The following DMXL2 variants were observed in gnomAD, a reference collection of about 807,000 sequenced individuals.
DMXL2 encodes the protein dmX-like protein 2.
Under a neutral mutation model 331.1 loss-of-function variants are expected in DMXL2, and 103 were observed. The observed-to-expected ratio is 0.31, with a 90% confidence interval of 0.27 to 0.37. The LOEUF (loss-of-function observed/expected upper bound fraction) is 0.37. DMXL2 is among the 10% of genes least tolerant of loss of function. The probability of loss-of-function intolerance (pLI) is 1.00; values close to 1 mark genes in which losing one functional copy is unlikely to be tolerated. For missense variants in DMXL2, 3,171 were observed against 3,642.9 expected (o/e 0.87, Z 3.33); for synonymous variants, 1,281 against 1,252.1 (o/e 1.02, Z -0.49).
intron 8 of DMXL2, 36 bp from the exon 9 acceptor site, chr15:51,542,543 G>A (rs747463231): frequency 3.3e-6 from 5 of 1,530,946 alleles, no homozygotes; most frequent in Admixed American, 1.8e-5. Flanking sequence ...TCCAACTCTG[G>A]AACCTCTAAT....
Position 51,456,084 on chromosome 15 carries a change from A to G in DMXL2, c.8508T>C (p.Phe2836=). The G allele has an allele frequency of 6.2e-7, 1 of 1,614,168 alleles. No homozygotes were observed. The highest frequency in any genetic ancestry group is 8.5e-7 in the Non-Finnish European group (1 of 1,180,016). ...AGNARVTRLY[F]NSQGNKCGVA... is the part of the protein sequence containing the mutation. ...AACTAACCTTGTTGCCTTGTGAATT[A>G]AAATATAATCTAGTAACTCTTGCAT... The change falls in exon 39 of 44, where the codon TTT becomes TTC. Residue 2836 remains phenylalanine, a synonymous_variant. Coordinates refer to ENST00000560891, the MANE Select transcript of DMXL2 (RefSeq NM_001378457.1).
At chr15:51,525,720 G>GA (rs2047633746) in intron 13 of DMXL2, among the ~76,000 whole-genome samples, 1 of 152,102 alleles carries the variant, frequency 6.6e-6, no homozygotes, top group African/African-American at 2.4e-5. Flanking sequence ...CCTTTGGAAA[G>GA]GAGAGAGAAG....
At chr15:51,615,714 T>C (rs1052537702) in intron 1 of DMXL2, among the ~76,000 whole-genome samples, 1 of 152,186 alleles carries the variant, frequency 6.6e-6, no homozygotes, top group Non-Finnish European at 1.5e-5. Context: ...ATGATGATAA[T>C]ATGATTACCT....
chr15:51,494,395 C>T (rs1361330884), intron 19 of DMXL2, among the ~76,000 whole-genome samples: 1 of 152,094 alleles, frequency 6.6e-6, no homozygotes, highest in African/African-American at 2.4e-5. Flanking sequence ...GAAATATAGT[C>T]CACTGAAATA....
chr15:51,537,138 G>T (rs532842854), intron 11 of DMXL2, among the ~76,000 whole-genome samples: 1 of 152,250 alleles, frequency 6.6e-6, no homozygotes, highest in Non-Finnish European at 1.5e-5. Flanking sequence ...GATGACAAAG[G>T]CAGCTTCGTT....
chr15:51,495,155 A>G, intron 18 of DMXL2, 21 bp from the exon 19 acceptor site: 1 of 1,517,392 alleles, frequency 6.6e-7, no homozygotes, highest in East Asian at 2.3e-5. Context: ...AACAGGAAAT[A>G]TGTTTAAGGA....
At chr15:51,483,699 C>T (rs772533205) in intron 23 of DMXL2, among the ~76,000 whole-genome samples, 14 of 152,136 alleles carry the variant, frequency 9.2e-5, no homozygotes, top group African/African-American at 3.4e-4. Flanking sequence ...AAAGGCCCTG[C>T]GCCTGCAATC....
chr15:51,535,013 A>G (rs1277894850), intron 13 of DMXL2, among the ~76,000 whole-genome samples: 1 of 152,200 alleles, frequency 6.6e-6, no homozygotes, highest in Admixed American at 6.5e-5. Context: ...AGCTAAATTA[A>G]AAGCTCCTTA....
rs113927701 is a variant in DMXL2 at position 51,538,531 on chromosome 15, A to G, written c.1106-79T>C. The G allele has an allele frequency of 9.2e-4, 1,078 of 1,170,374 alleles. 14 individuals are homozygous for G. The African/African-American group carries it at 0.015, about 16-fold the overall frequency. 72.5% of individuals were successfully genotyped at this position (1,170,374 alleles called of 1,614,324 possible). On this transcript the variant is annotated intron_variant, in intron 9 of 43. Coordinates refer to ENST00000560891, the MANE Select transcript of DMXL2 (RefSeq NM_001378457.1). ...GACAAGTGCTTACAATGACTAATCT[A>G]TATAAAGAAAAGGTGCTAAACAAGT...
chr15:51,595,422 G>C (rs1277610812), intron 1 of DMXL2, among the ~76,000 whole-genome samples: 3 of 152,116 alleles, frequency 2.0e-5, no homozygotes, highest in Non-Finnish European at 2.9e-5. Context: ...AAATAAAAGA[G>C]GATACAAATA....
chr15:51,554,409 T>C (rs982972649), intron 6 of DMXL2, among the ~76,000 whole-genome samples: 2 of 152,200 alleles, frequency 1.3e-5, no homozygotes, highest in African/African-American at 4.8e-5. Context: ...ACTGCCTGTT[T>C]TAGAGATCAA....
At chr15:51,621,801 CG>C (rs905670617) in intron 1 of DMXL2, among the ~76,000 whole-genome samples, 1 of 151,708 alleles carries the variant, frequency 6.6e-6, no homozygotes, top group African/African-American at 2.4e-5. Flanking sequence ...TACCAAACTA[CG>C]ACCTCCTGAT....
intron 26 of DMXL2, 116 bp downstream of exon 26, chr15:51,478,154 AT>A (rs2041733174): frequency 1.4e-6 from 1 of 690,824 alleles, no homozygotes; most frequent in Non-Finnish European, 2.4e-6. Flanking sequence ...GTATTAAAAT[AT>A]CATGGCTGTC....
chr15:51,557,898 A>C lies in DMXL2; in HGVS notation c.567+5483T>G, dbSNP rs190855262. Among the ~76,000 whole-genome samples, 560 of 152,380 alleles carry C rather than the reference A, an allele frequency of 3.7e-3. 6 individuals are homozygous for C. Among genetic ancestry groups the C allele is most frequent in the African/African-American group, 0.013 (536 of 41,596 alleles). On this transcript the variant is annotated intron_variant, in intron 6 of 43. Coordinates refer to ENST00000560891, the MANE Select transcript of DMXL2 (RefSeq NM_001378457.1). The stretch of plus-strand genomic sequence containing the variant: ...CATAGATTTTAGACCTGAATGTGAA[A>C]GATAAAACATAAAATGTCCATATTC...
intron 1 of DMXL2, among the ~76,000 whole-genome samples, chr15:51,613,518 T>C (rs1902595): frequency 0.81 from 123,994 of 152,198 alleles, 50,874 homozygotes; most frequent in East Asian, 0.99. Flanking sequence ...AATGTCTAGG[T>C]GCCAAAATAT....
rs142278543 is a variant in DMXL2, at chr15:51,541,523, T to C, written c.1105+810A>G. On this transcript the variant is annotated intron_variant, in intron 9 of 43. Transcript: ENST00000560891. ...TAATACGGGGCCAGTGGCTACTCTA[T>C]AAAACAGCACATATCTAGAGTTACC... Among the ~76,000 whole-genome samples, 852 of 152,244 alleles carry C rather than the reference T, an allele frequency of 5.6e-3. 6 individuals carry two copies. The highest frequency in any genetic ancestry group is 0.02 in the Middle Eastern group (6 of 294).
At chr15:51,510,994 A>C (rs1489213996) in intron 15 of DMXL2, among the ~76,000 whole-genome samples, 2 of 152,222 alleles carry the variant, frequency 1.3e-5, no homozygotes, top group Non-Finnish European at 2.9e-5. Context: ...TGCCACATGC[A>C]GAAAACTGAA....
chr15:51,452,681 C>T (rs899055923), intron 41 of DMXL2, among the ~76,000 whole-genome samples: 2 of 152,232 alleles, frequency 1.3e-5, no homozygotes, highest in South Asian at 2.1e-4. Context: ...AAACAGTATA[C>T]GGAGATTCCT....
chr15:51,572,090 T>C (rs957380039), intron 2 of DMXL2, among the ~76,000 whole-genome samples: 1 of 151,356 alleles, frequency 6.6e-6, no homozygotes, highest in Non-Finnish European at 1.5e-5. Context: ...CAATAGAAAA[T>C]GATAAAGGGG....
Sources: gnomAD v4.1 joint callset for allele counts (sites outside exome capture counted in the v4.1 genomes callset) on GRCh38, gnomAD v4.1.1 for gene constraint, MANE v1.5 for transcripts, NCBI Gene and HGNC (gene_info 2026-07-23, HGNC 2026-07-21) for gene names.